The following ANKRD17 variants were observed in gnomAD, a reference collection of about 807,000 sequenced individuals.
The protein encoded by ANKRD17 is ankyrin repeat domain 17.
Under a neutral mutation model 229.7 loss-of-function variants are expected in ANKRD17, and 19 were observed. That is an observed-to-expected ratio of 0.08 (90% CI 0.06 to 0.12). The LOEUF is 0.12. ANKRD17 is among the 10% of genes least tolerant of loss of function. The pLI, the probability that ANKRD17 is intolerant of heterozygous loss-of-function variation, is 1.00. For synonymous variants in ANKRD17, 1,112 were observed against 1,146.1 expected (o/e 0.97, Z 0.60); for missense variants, 2,176 against 3,176.8 (o/e 0.68, Z 7.57).
intron 1 of ANKRD17, among the ~76,000 whole-genome samples, chr4:73,211,274 G>C (rs574399405): frequency 6.6e-6 from 1 of 152,212 alleles, no homozygotes; most frequent in Admixed American, 6.5e-5. Context: ...TCTGAATAAT[G>C]AAGATAAAGA....
chr4:73,080,769 C>T (rs559457028), intron 30 of ANKRD17: 1 of 152,334 alleles, frequency 6.6e-6, no homozygotes, highest in South Asian at 2.1e-4. Flanking sequence ...CTGTATCCTT[C>T]TAGAACCAAA....
intron 1 of ANKRD17, among the ~76,000 whole-genome samples, chr4:73,191,334 A>AT (rs1553933184): frequency 1.2e-5 from 1 of 84,664 alleles, no homozygotes; most frequent in Non-Finnish European, 2.6e-5. Flanking sequence ...CCTACCAAAA[A>AT]ATATATATGT....
At chr4:73,169,432 T>C (rs1733680512) in intron 2 of ANKRD17, among the ~76,000 whole-genome samples, 1 of 151,888 alleles carries the variant, frequency 6.6e-6, no homozygotes, top group Non-Finnish European at 1.5e-5. Context: ...ATGGCATCTC[T>C]AGACCAACTC....
At chr4:73,240,097 A>T (rs1743878925) in intron 1 of ANKRD17, among the ~76,000 whole-genome samples, 1 of 152,216 alleles carries the variant, frequency 6.6e-6, no homozygotes, top group African/African-American at 2.4e-5. Flanking sequence ...ACTACACAAC[A>T]GTCATAGTTT....
intron 1 of ANKRD17, among the ~76,000 whole-genome samples, chr4:73,179,474 G>A (rs1167577881): frequency 1.7e-5 from 1 of 57,912 alleles, no homozygotes; most frequent in Non-Finnish European, 3.3e-5. Flanking sequence ...ATATGTGTGT[G>A]TGTGTGTGTG....
At chr4:73,224,976 A>G (rs1394639995) in intron 1 of ANKRD17, among the ~76,000 whole-genome samples, 1 of 152,228 alleles carries the variant, frequency 6.6e-6, no homozygotes, top group Non-Finnish European at 1.5e-5. Context: ...AACTGATTGC[A>G]AAGGGTATGT....
At chr4:73,153,789 T>C (rs752490936) in intron 6 of ANKRD17, 91 bp downstream of exon 6, 7 of 946,558 alleles carry the variant, frequency 7.4e-6, no homozygotes, top group Non-Finnish European at 1.0e-5. Context: ...ACTATCATTG[T>C]TTTATTTTTT....
chr4:73,083,491 A>G (rs918945460), intron 30 of ANKRD17, among the ~76,000 whole-genome samples: 2 of 152,242 alleles, frequency 1.3e-5, no homozygotes, highest in African/African-American at 4.8e-5. Context: ...CGAAGGAAAT[A>G]TGGATATTCC....
At chr4:73,189,615 C>G (rs908714037) in intron 1 of ANKRD17, among the ~76,000 whole-genome samples, 5 of 152,084 alleles carry the variant, frequency 3.3e-5, no homozygotes, top group African/African-American at 4.8e-5. Flanking sequence ...CGTGAGCCAT[C>G]GCACTCAGCT....
chr4:73,215,097 G>T (rs1191939459), intron 1 of ANKRD17, among the ~76,000 whole-genome samples: 1 of 151,958 alleles, frequency 6.6e-6, no homozygotes, highest in African/African-American at 2.4e-5. Context: ...TCTCAAGAAC[G>T]AATGATATGA....
chr4:73,218,508 T>G (rs921507190), intron 1 of ANKRD17, among the ~76,000 whole-genome samples: 26 of 151,986 alleles, frequency 1.7e-4, no homozygotes, highest in South Asian at 6.2e-4. Context: ...CCAGGCATGG[T>G]GGCGCATGCC....
intron 23 of ANKRD17, among the ~76,000 whole-genome samples, chr4:73,114,528 T>C (rs909950090): frequency 6.6e-6 from 1 of 152,136 alleles, no homozygotes; most frequent in Non-Finnish European, 1.5e-5. Flanking sequence ...GGCATAATCA[T>C]AGTATACTGT....
At chr4:73,158,713 C>T (rs1043265096) in intron 3 of ANKRD17, among the ~76,000 whole-genome samples, 6 of 152,192 alleles carry the variant, frequency 3.9e-5, no homozygotes, top group Non-Finnish European at 8.8e-5. Context: ...ATCGGTTAAT[C>T]CATTCATGAA....
chr4:73,120,976 G>A lies in ANKRD17; in HGVS notation c.3754C>T (p.Arg1252Trp). Reference sequence around the variant, plus strand: ...CAGGCTAAAGTAAGGGCAGTGTTCCGATTGGTTTCTATCTGAGCATTTATG... The same window carrying A: ...CAGGCTAAAGTAAGGGCAGTGTTCCAATTGGTTTCTATCTGAGCATTTATG... ...SDINAQIETN[R>W]NTALTLACFQ... Residue 1252 changes from arginine (R) to tryptophan (W), a missense_variant, in exon 20 of 34, where the codon CGG becomes TGG. Arg to Trp is a moderately radical substitution (Grantham distance 101). Coordinates refer to ENST00000358602, the MANE Select transcript of ANKRD17 (RefSeq NM_032217.5). 1.2e-6 allele frequency: 2 copies of A among 1,613,704 alleles called. No homozygotes were observed. The highest frequency in any genetic ancestry group is 1.7e-6 in the Non-Finnish European group (2 of 1,179,908).
At chr4:73,104,248 C>A (rs1724347582) in intron 24 of ANKRD17, among the ~76,000 whole-genome samples, 1 of 152,198 alleles carries the variant, frequency 6.6e-6, no homozygotes, top group Non-Finnish European at 1.5e-5. Flanking sequence ...AAAACAGTAA[C>A]TGGTGACCTT....
chr4:73,112,876 C>T (rs1725488196), intron 24 of ANKRD17: 2 of 295,864 alleles, frequency 6.8e-6, no homozygotes, highest in Non-Finnish European at 1.0e-5. Context: ...CAACCTCCGC[C>T]TCCCAGGTTC....
chr4:73,243,046 A>G (rs1020282198), intron 1 of ANKRD17, among the ~76,000 whole-genome samples: 1 of 152,156 alleles, frequency 6.6e-6, no homozygotes, highest in Non-Finnish European at 1.5e-5. Context: ...CTAAAGGATG[A>G]GAAAAAACAA....
chr4:73,156,149 G>A lies in ANKRD17; in HGVS notation c.722C>T (p.Ala241Val). 1 of 1,599,212 alleles carries A rather than the reference G, an allele frequency of 6.3e-7. No homozygotes were observed. The highest frequency in any genetic ancestry group is 8.5e-7 in the Non-Finnish European group (1 of 1,176,312). ...AGCATTTACATCTCCTTCTGAACAG[G>A]CTTCTGCCAAACTGCGGCTATTACG... ...GQSDNRSLAEACSEGDVNAVR... is the reference protein window; with the variant it reads ...GQSDNRSLAEVCSEGDVNAVR... Residue 241 changes from alanine to valine, a missense_variant, in exon 4 of 34, where the codon GCC becomes GTC. Coordinates refer to ENST00000358602, the MANE Select transcript of ANKRD17 (RefSeq NM_032217.5).
At position 73,082,781 on chromosome 4, in the gene ANKRD17, A is replaced by G. The variant is rs150507543; in HGVS notation, c.7159+2468T>C. Reference sequence around the variant, plus strand: ...GAACAGTTCTAGATTATTTGAGACTAAAGAGATATGGGAATTAAGTGTAAC... The same window carrying G: ...GAACAGTTCTAGATTATTTGAGACTGAAGAGATATGGGAATTAAGTGTAAC... On this transcript the variant is annotated intron_variant, in intron 30 of 33. Coordinates refer to ENST00000358602, the MANE Select transcript of ANKRD17 (RefSeq NM_032217.5). Among the ~76,000 whole-genome samples, 22 of 152,306 alleles carry G rather than the reference A, an allele frequency of 1.4e-4. No homozygotes were observed. The East Asian group carries it at 4.2e-3, about 29-fold the overall frequency.
Sources: allele counts gnomAD v4.1 joint callset (sites outside exome capture counted in the v4.1 genomes callset), GRCh38; gene constraint gnomAD v4.1.1; transcripts MANE v1.5; gene names NCBI Gene and HGNC (gene_info 2026-07-23, HGNC 2026-07-21).